PLXNA3: variants seen among roughly 807,000 people sequenced by gnomAD.
PLXNA3 encodes plexin-A3.
In PLXNA3, 52 loss-of-function variants were observed where a neutral mutation model predicts 118.8. The observed-to-expected ratio is 0.44, with a 90% CI of 0.35 to 0.55. PLXNA3 has a LOEUF of 0.55. Ranked by LOEUF, PLXNA3 falls within the 20% of genes least tolerant of loss-of-function variation. PLXNA3 has a pLI of 0.01. For synonymous variants in PLXNA3, 925 were observed against 762.4 expected, an observed-to-expected ratio of 1.21 and a Z score of -3.51; for missense variants, 1,660 against 1,730.8, an observed-to-expected ratio of 0.96 and a Z score of 0.73.
rs1557208595 is a variant in PLXNA3 at position 154,469,394 on chromosome X, G to A, written c.4610G>A (p.Arg1537His). Residue 1537 changes from arginine (R) to histidine (H), a missense_variant, in exon 27 of 33, where the codon CGC becomes CAC. Physicochemically the swap from Arg to His is conservative, Grantham distance 29. This residue lies in a region of PLXNA3 where 869 missense variants were observed against 1,078.7 expected (regional missense o/e 0.81). Transcript: ENST00000369682. ...EDMDLEWRQGRMTRIILQDED... is the reference protein window; with the variant it reads ...EDMDLEWRQGHMTRIILQDED... ...TGGCCCACAGAGTGGCGCCAGGGCC[G>A]CATGACTCGCATCATCCTCCAGGAT... is the stretch of plus-strand genomic sequence containing the variant. 4.1e-6 allele frequency: 5 copies of A among 1,207,024 alleles called. No homozygotes were observed. The highest frequency in any genetic ancestry group is 2.3e-4 in the Middle Eastern group (1 of 4,365).
Position 154,467,484 on chromosome X carries a change from T to TGGGGGGGGGGGGGGGGGGGGG in PLXNA3, c.3441+18_3441+19insGGGGGGGGGGGGGGGGGGGGG. ...CGTGGTGCTGAAGGTGCGGGCGGGG[T>TGGGGGGGGGGGGGGGGGGGGG]GGGGGCGGGGAGGGGCGGGAAAGTG... On this transcript the variant is annotated intron_variant, in intron 19 of 32. Coordinates refer to ENST00000369682, the MANE Select transcript of PLXNA3 (RefSeq NM_017514.5). 1 of 268,879 alleles carries TGGGGGGGGGGGGGGGGGGGGG rather than the reference T, an allele frequency of 3.7e-6. No homozygotes were observed. Among genetic ancestry groups the TGGGGGGGGGGGGGGGGGGGGG allele is most frequent in the Admixed American group, 6.5e-5 (1 of 15,320 alleles). The allele number at this position is 268,879 out of a possible 1,213,427, so 22.2% of individuals were successfully genotyped here.
At chrX:154,462,100 C>G (rs2068978797) in intron 3 of PLXNA3, 28 bp from the exon 4 acceptor site, 1 of 1,148,984 alleles carries the variant, frequency 8.7e-7, no homozygotes, top group East Asian at 3.2e-5. Flanking sequence ...AGCTTTGACT[C>G]TCACGGGTTC....
chrX:154,465,534 C>T lies in PLXNA3; in HGVS notation c.2341+14C>T, dbSNP rs781833505. 1.7e-6 allele frequency: 2 copies of T among 1,180,432 alleles called. No homozygotes were observed. Among genetic ancestry groups the T allele is most frequent in the South Asian group, 1.8e-5 (1 of 56,177 alleles). On this transcript the variant is annotated intron_variant, in intron 12 of 32. Coordinates refer to ENST00000369682, the MANE Select transcript of PLXNA3 (RefSeq NM_017514.5). Reference sequence around the variant, plus strand: ...CCAGCTTCCGAGGTGAAGGCATGGGCCAGGGAGCTTCCCTCCTAAGGCAAT... The same window carrying T: ...CCAGCTTCCGAGGTGAAGGCATGGGTCAGGGAGCTTCCCTCCTAAGGCAAT...
chrX:154,462,013 T>G (rs1278631719), intron 3 of PLXNA3, 115 bp from the exon 4 acceptor site: 2 of 623,325 alleles, frequency 3.2e-6, no homozygotes, highest in Non-Finnish European at 5.0e-6. Context: ...CAGTCAGTCC[T>G]GGCTGGAGGG....
chrX:154,468,005 C>T lies in PLXNA3; in HGVS notation c.3820+4C>T. ...GTGGCCCTGGAGTGCAAGGAAGGTGCCTGAGGCGGGGCGGGATGTGGTGTG... is the reference window on the plus strand; with the variant it reads ...GTGGCCCTGGAGTGCAAGGAAGGTGTCTGAGGCGGGGCGGGATGTGGTGTG... On this transcript the variant is annotated splice_donor_region_variant and intron_variant, in intron 21 of 32. Coordinates refer to ENST00000369682, the MANE Select transcript of PLXNA3 (RefSeq NM_017514.5). The T allele has an allele frequency of 8.3e-7, 1 of 1,203,012 alleles. No individual in the cohort carries two copies. The highest frequency in any genetic ancestry group is 1.1e-6 in the Non-Finnish European group (1 of 888,474).
chrX:154,462,156 G>A lies in PLXNA3; in HGVS notation c.1163G>A (p.Gly388Glu). ...TPMQINGNFC[G>E]LVLNQPLGGL... ...ATGCAGATCAACGGCAACTTCTGTGGGCTGGTGTTGAACCAGCCTCTGGGA... is the reference window on the plus strand; with the variant it reads ...ATGCAGATCAACGGCAACTTCTGTGAGCTGGTGTTGAACCAGCCTCTGGGA... The change falls in exon 4 of 33, where the codon GGG becomes GAG. Residue 388 changes from glycine to glutamate, a missense_variant. Gly to Glu is a moderately conservative substitution (Grantham distance 98). Transcript: ENST00000369682. 1.7e-6 allele frequency: 2 copies of A among 1,201,848 alleles called. No individual in the cohort carries two copies. The highest frequency in any genetic ancestry group is 3.0e-5 in the East Asian group (1 of 33,107).
At position 154,468,813 on chromosome X, in the gene PLXNA3, C is replaced by G; in HGVS notation, c.4288-10C>G. The G allele has an allele frequency of 8.3e-7, 1 of 1,211,764 alleles. No individual in the cohort carries two copies. Among genetic ancestry groups the G allele is most frequent in the South Asian group, 1.8e-5 (1 of 57,018 alleles). On this transcript the variant is annotated splice_polypyrimidine_tract_variant and intron_variant, in intron 24 of 32. Transcript: ENST00000369682. The stretch of plus-strand genomic sequence containing the variant: ...CAGGCAGCCAGCTGTGCACCTGTCC[C>G]TGGCTGCAGGAGTGTGCTGGGGAGC...
Position 154,464,221 on chromosome X carries a change from C to T in PLXNA3, c.1736C>T (p.Ala579Val), listed in dbSNP as rs200281054. ...GGCGTGAGCTGCGCCTTCGAGGCGG[C>T]GGCGGAGAACGAGGCGGTCCTGCTG... ...SAGVSCAFEA[A>V]AENEAVLLPS... The change falls in exon 8 of 33, where the codon GCG becomes GTG. Residue 579 changes from alanine to valine, a missense_variant. Ala to Val is a moderately conservative substitution (Grantham distance 64, BLOSUM62 0). Around this residue, in one of 2 missense-constraint regions of PLXNA3, gnomAD observed 791 missense variants for 652.1 expected, o/e 1.21. Transcript: ENST00000369682. 7 of 1,206,413 alleles carry T rather than the reference C, an allele frequency of 5.8e-6. No homozygotes were observed. The highest frequency in any genetic ancestry group is 2.2e-5 in the Admixed American group (1 of 45,772).
Position 154,462,247 on chromosome X carries a change from C to T in PLXNA3, c.1254C>T (p.Ala418=), listed in dbSNP as rs142165702. 116 of 1,192,903 alleles carry T rather than the reference C, an allele frequency of 9.7e-5. No individual in the cohort carries two copies. The African/African-American group carries it at 1.9e-3, about 19-fold the overall frequency. The change falls in exon 4 of 33, where the codon GCC becomes GCT. Residue 418 remains alanine (A), a synonymous_variant. Coordinates refer to ENST00000369682, the MANE Select transcript of PLXNA3 (RefSeq NM_017514.5). ...ADSTDGMASV[A]AYTYRQHSVV... ...GCACCGACGGCATGGCCAGCGTGGC[C>T]GCCTACACCTACCGCCAGCACTCTG...
At position 154,472,642 on chromosome X, in the gene PLXNA3, A is replaced by G. The variant is rs782663738; in HGVS notation, c.5573A>G (p.Gln1858Arg). The change falls in exon 33 of 33, where the codon CAG becomes CGG. Residue 1858 changes from glutamine (Q) to arginine (R), a missense_variant. Physicochemically the swap from Gln to Arg is conservative, Grantham distance 43. Transcript: ENST00000369682. ...TCTTGTCGGAAGCATAAGTTGCGGC[A>G]GAAACTGGAACAGATCATCAGCCTC... is the stretch of plus-strand genomic sequence containing the variant. ...DASCRKHKLRQKLEQIISLVS... is the reference protein window; with the variant it reads ...DASCRKHKLRRKLEQIISLVS... 1 of 1,206,786 alleles carries G rather than the reference A, an allele frequency of 8.3e-7. No homozygotes were observed. The highest frequency in any genetic ancestry group is 1.1e-6 in the Non-Finnish European group (1 of 892,258).
chrX:154,477,740 A>C lies in PLXNA3; in HGVS notation c.*5055A>C. On this transcript the variant is annotated 3_prime_UTR_variant, in exon 33 of 33. Transcript: ENST00000369682. The stretch of plus-strand genomic sequence containing the variant: ...ACCCAAGCACAACAAGAATATTGGG[A>C]GGTGCCCCAGCTGCAAATAAACTCA... The C allele has an allele frequency of 2.9e-6, 1 of 343,110 alleles. No individual in the cohort carries two copies. The highest frequency in any genetic ancestry group is 5.1e-6 in the Non-Finnish European group (1 of 196,085). 28.3% of individuals were successfully genotyped at this position (343,110 alleles called of 1,213,427 possible).
At position 154,466,179 on chromosome X, in the gene PLXNA3, T is replaced by G; in HGVS notation, c.2708T>G (p.Val903Gly). The change falls in exon 15 of 33, where the codon GTG becomes GGG. Residue 903 changes from valine to glycine, a missense_variant. Transcript: ENST00000369682. ...RIVCEMEESL[V>G]PSPPPGPVEL... is the part of the protein sequence containing the mutation. The stretch of plus-strand genomic sequence containing the variant: ...GTGTGTGAGATGGAGGAGTCGCTGG[T>G]GCCCAGCCCGCCGCCGGGGCCCGTG... 1 of 1,210,071 alleles carries G rather than the reference T, an allele frequency of 8.3e-7. No homozygotes were observed. The highest frequency in any genetic ancestry group is 1.1e-6 in the Non-Finnish European group (1 of 895,447).
intron 11 of PLXNA3, 81 bp from the exon 12 acceptor site, chrX:154,465,343 G>A (rs2069062034): frequency 2.9e-6 from 3 of 1,030,275 alleles, no homozygotes; most frequent in Non-Finnish European, 4.1e-6. Flanking sequence ...CCTGTACCTG[G>A]AGGAGGGGGG....
rs782461110 is a variant in PLXNA3, at chrX:154,467,292, C to G, written c.3262C>G (p.Arg1088Gly). ...LCKAPGIFLGRPQPRAQGEHP... is the reference protein window; with the variant it reads ...LCKAPGIFLGGPQPRAQGEHP... ...TAAGGCCCCCGGCATCTTTCTTGGG[C>G]GGCCCCAGCCTCGGGCGCAAGGCGA... is the stretch of plus-strand genomic sequence containing the variant. The change falls in exon 19 of 33, where the codon CGG (arginine) becomes GGG (glycine). Residue 1088 changes from arginine (R) to glycine (G), a missense_variant. By Grantham distance (125) the Arg-to-Gly change is moderately radical. This residue lies in a region of PLXNA3 where 869 missense variants were observed against 1,078.7 expected (regional missense o/e 0.81). Transcript: ENST00000369682. The G allele has an allele frequency of 8.3e-7, 1 of 1,208,479 alleles. No homozygotes were observed. The highest frequency in any genetic ancestry group is 2.2e-5 in the Admixed American group (1 of 46,101).
intron 32 of PLXNA3, among the ~76,000 whole-genome samples, chrX:154,471,972 A>T (rs1208711660): frequency 8.9e-6 from 1 of 112,285 alleles, no homozygotes; most frequent in Non-Finnish European, 1.9e-5. Flanking sequence ...GGCTGGACAC[A>T]TTTGCAAGCC....
In PLXNA3 at chrX:154,460,421, C is replaced by A. The variant is rs782124070; in HGVS notation, c.238C>A (p.Pro80Thr). The change falls in exon 2 of 33, where the codon CCC becomes ACC. Residue 80 changes from proline to threonine, a missense_variant. Physicochemically the swap from Pro to Thr is conservative, Grantham distance 38. Coordinates refer to ENST00000369682, the MANE Select transcript of PLXNA3 (RefSeq NM_017514.5). ...CGAGGACAACGCTCGCTGCTACCCG[C>A]CCCCCAGCATGCGCGTGTGTGCCCA... is the stretch of plus-strand genomic sequence containing the variant. ...PVEDNARCYP[P>T]PSMRVCAHRL... 5.8e-6 allele frequency: 7 copies of A among 1,201,172 alleles called. No homozygotes were observed. Among genetic ancestry groups the A allele is most frequent in the South Asian group, 3.6e-5 (2 of 55,902 alleles).
At position 154,468,182 on chromosome X, in the gene PLXNA3, C is replaced by G; in HGVS notation, c.3921C>G (p.Leu1307=). 8.4e-7 allele frequency: 1 copy of G among 1,185,561 alleles called. No individual in the cohort carries two copies. Among genetic ancestry groups the G allele is most frequent in the Non-Finnish European group, 1.1e-6 (1 of 881,291 alleles). Residue 1307 remains leucine, a synonymous_variant, in exon 22 of 33, where the codon CTC becomes CTG. Coordinates refer to ENST00000369682, the MANE Select transcript of PLXNA3 (RefSeq NM_017514.5). ...LDYRTYAVRV[L]FPGIEAHPVL... is the part of the protein sequence containing the mutation. ...ACCGGACTTACGCCGTGCGCGTGCT[C>G]TTCCCGGGCATCGAGGCCCACCCGG...
rs782407969 is a variant in PLXNA3, at chrX:154,464,459, C to T, written c.1886C>T (p.Ala629Val). The T allele has an allele frequency of 8.3e-7, 1 of 1,210,805 alleles. No individual in the cohort carries two copies. The highest frequency in any genetic ancestry group is 1.1e-6 in the Non-Finnish European group (1 of 894,700). Reference protein sequence around the residue: ...LLSKETGVRFAGADFVFYNCS... With the variant: ...LLSKETGVRFVGADFVFYNCS... Reference sequence around the variant, plus strand: ...TCCAAGGAGACAGGCGTGAGGTTTGCCGGTGCTGACTTTGTCTTCTACAAC... The same window carrying T: ...TCCAAGGAGACAGGCGTGAGGTTTGTCGGTGCTGACTTTGTCTTCTACAAC... Residue 629 changes from alanine to valine, a missense_variant, in exon 9 of 33, where the codon GCC (alanine) becomes GTC (valine). By Grantham distance (64) the Ala-to-Val change is moderately conservative. Coordinates refer to ENST00000369682, the MANE Select transcript of PLXNA3 (RefSeq NM_017514.5).
rs1557206626 is a variant in PLXNA3, at chrX:154,465,409, G to T, written c.2245-15G>T. ...GCACATCTTATCTGGGGTCCCATGG[G>T]TTCCTTTCCTCCAGTACTCCTATGA... On this transcript the variant is annotated splice_polypyrimidine_tract_variant and intron_variant, in intron 11 of 32. Transcript: ENST00000369682. 1 of 1,182,060 alleles carries T rather than the reference G, an allele frequency of 8.5e-7. No individual in the cohort carries two copies.
Sources: allele counts gnomAD v4.1 joint callset (sites outside exome capture counted in the v4.1 genomes callset), GRCh38; gene constraint gnomAD v4.1.1; regional missense constraint gnomAD v4.1.1; transcripts MANE v1.5; gene names NCBI Gene and HGNC (gene_info 2026-07-23, HGNC 2026-07-21).